DENND4A: variants seen among roughly 807,000 people sequenced by gnomAD.
The protein encoded by DENND4A is C-myc promoter-binding protein.
A neutral mutation model predicts 199.3 loss-of-function variants in DENND4A; 70 were observed. The ratio of observed to expected loss-of-function variants is 0.35; its 90% CI spans 0.29 to 0.43. DENND4A has a LOEUF of 0.43. DENND4A is among the 20% of genes least tolerant of loss of function. DENND4A has a pLI of 1.00. For synonymous variants in DENND4A, 686 were observed against 766.9 expected (o/e 0.89, Z 1.74); for missense variants, 1,723 against 2,255.8 (o/e 0.76, Z 4.78).
At chr15:65,715,714 T>C (rs1189770611) in intron 13 of DENND4A, 91 bp from the exon 14 acceptor site, 1 of 1,257,758 alleles carries the variant, frequency 8.0e-7, no homozygotes, top group African/African-American at 1.5e-5. Context: ...AACAACCATG[T>C]CATCTATACC....
chr15:65,706,479 CACACACACACACACACAT>C (rs1287504406), intron 14 of DENND4A, among the ~76,000 whole-genome samples: 44 of 113,296 alleles, frequency 3.9e-4, no homozygotes, highest in South Asian at 2.4e-3. Context: ...CACACACACA[CACACACACACACACACAT>C]ATATATATAT....
chr15:65,703,988 C>T (rs1300170021), intron 15 of DENND4A, among the ~76,000 whole-genome samples: 2 of 152,020 alleles, frequency 1.3e-5, no homozygotes, highest in African/African-American at 2.4e-5. Context: ...TAAGAAGAAA[C>T]CTAACTATAA....
At chr15:65,681,679 G>T (rs183514103) in intron 23 of DENND4A, among the ~76,000 whole-genome samples, 1 of 151,246 alleles carries the variant, frequency 6.6e-6, no homozygotes, top group Admixed American at 6.6e-5. Flanking sequence ...AGATTCAAGC[G>T]ATTCTCCCAC....
chr15:65,703,842 A>ATATT (rs1257509605), intron 15 of DENND4A, among the ~76,000 whole-genome samples: 1 of 152,218 alleles, frequency 6.6e-6, no homozygotes, highest in Non-Finnish European at 1.5e-5. Flanking sequence ...AACTTCATTA[A>ATATT]TAAATAAGTA....
chr15:65,716,678 T>C (rs1350841629), intron 13 of DENND4A, among the ~76,000 whole-genome samples: 3 of 151,840 alleles, frequency 2.0e-5, no homozygotes, highest in African/African-American at 4.8e-5. Flanking sequence ...CAAGTCTTTG[T>C]TATTGTGAAT....
intron 12 of DENND4A, among the ~76,000 whole-genome samples, chr15:65,719,773 T>C (rs1480052601): frequency 1.3e-5 from 2 of 151,868 alleles, no homozygotes; most frequent in Non-Finnish European, 1.5e-5. Flanking sequence ...CTTGTGTCTG[T>C]AGTCCCAGCT....
intron 14 of DENND4A, among the ~76,000 whole-genome samples, chr15:65,708,572 C>T (rs1485475132): frequency 6.6e-6 from 1 of 152,112 alleles, no homozygotes; most frequent in Non-Finnish European, 1.5e-5. Flanking sequence ...GCAATAAATC[C>T]TACATTTATC....
chr15:65,771,207 A>G, intron 1 of DENND4A: 1 of 1,608,142 alleles, frequency 6.2e-7, no homozygotes, highest in South Asian at 1.1e-5. Flanking sequence ...AGCCGCTCTA[A>G]TTCTTTACAG....
In DENND4A at chr15:65,742,502, T is replaced by G. The variant is rs188948434; in HGVS notation, c.562-718A>C. Among the ~76,000 whole-genome samples, 232 of 151,518 alleles carry G rather than the reference T, an allele frequency of 1.5e-3. 1 individual carries two copies. The highest frequency in any genetic ancestry group is 5.2e-3 in the African/African-American group (214 of 41,192). ...TCGCAATGGTGCAATCTCAGCTCAC[T>G]GCAACCTCCGCCTCCCAGGTTCAAG... On this transcript the variant is annotated intron_variant, in intron 4 of 32. Transcript: ENST00000443035.
At chr15:65,712,216 T>C (rs1056090529) in intron 14 of DENND4A, among the ~76,000 whole-genome samples, 33 of 152,212 alleles carry the variant, frequency 2.2e-4, no homozygotes, top group African/African-American at 8.0e-4. Context: ...ATCCCTCAAG[T>C]GTTCTAAATT....
At chr15:65,716,257 T>C (rs2075397014) in intron 13 of DENND4A, among the ~76,000 whole-genome samples, 1 of 151,972 alleles carries the variant, frequency 6.6e-6, no homozygotes, top group African/African-American at 2.4e-5. Flanking sequence ...CTTTTATTAT[T>C]ATTATACTTT....
At chr15:65,662,486 T>C (rs1371085635) in intron 32 of DENND4A, among the ~76,000 whole-genome samples, 2 of 152,202 alleles carry the variant, frequency 1.3e-5, no homozygotes, top group Non-Finnish European at 2.9e-5. Flanking sequence ...TTTTTTTCCC[T>C]TTTCCACATG....
At chr15:65,779,636 G>A (rs2077384052) in intron 1 of DENND4A, among the ~76,000 whole-genome samples, 1 of 151,856 alleles carries the variant, frequency 6.6e-6, no homozygotes, top group Admixed American at 6.6e-5. Flanking sequence ...TACCATGCCT[G>A]GCTAGCTAGG....
intron 2 of DENND4A, among the ~76,000 whole-genome samples, chr15:65,759,959 T>A (rs1328370108): frequency 1.3e-5 from 2 of 152,226 alleles, no homozygotes; most frequent in African/African-American, 4.8e-5. Context: ...GTACAATGAA[T>A]AATCTTGATA....
Position 65,720,947 on chromosome 15 carries a change from TTATATATA to T in DENND4A, c.1588+1893_1588+1900del, listed in dbSNP as rs72498783. On this transcript the variant is annotated intron_variant, in intron 12 of 32. Transcript: ENST00000443035. ...AAAGTTGAATGGGCTGTTTCATTGA[TTATATATA>T]TATATATATATATATATATATATAT... Among the ~76,000 whole-genome samples the T allele has an allele frequency of 8.1e-3, 619 of 76,248 alleles. 35 individuals are homozygous for T. The highest frequency in any genetic ancestry group is 0.026 in the Middle Eastern group (3 of 114). The allele number at this position is 76,248 out of a possible 152,430, so 50.0% of individuals were successfully genotyped here.
At position 65,729,143 on chromosome 15, in the gene DENND4A, T is replaced by G; in HGVS notation, c.1416A>C (p.Ser472=). 1 of 1,592,058 alleles carries G rather than the reference T, an allele frequency of 6.3e-7. No homozygotes were observed. The highest frequency in any genetic ancestry group is 1.7e-4 in the Middle Eastern group (1 of 6,034). Residue 472 remains serine (S), a synonymous_variant, in exon 11 of 33, where the codon TCA becomes TCC. Coordinates refer to ENST00000443035, the MANE Select transcript of DENND4A (RefSeq NM_001320835.1). ...APCPFIVGID[S]RYFDLYDPPP... is the part of the protein sequence containing the mutation. Reference sequence around the variant, plus strand: ...GAGGATCATAGAGATCAAAGTATCTTGAATCAATCCCTACTATGAATGGAC... The same window carrying G: ...GAGGATCATAGAGATCAAAGTATCTGGAATCAATCCCTACTATGAATGGAC...
chr15:65,783,166 C>G (rs1167729385), intron 1 of DENND4A, among the ~76,000 whole-genome samples: 1 of 152,098 alleles, frequency 6.6e-6, no homozygotes, highest in Non-Finnish European at 1.5e-5. Flanking sequence ...AAACTTGAAA[C>G]TGGAAACTCT....
At chr15:65,737,212 G>A (rs1181935078) in intron 7 of DENND4A, among the ~76,000 whole-genome samples, 1 of 152,052 alleles carries the variant, frequency 6.6e-6, no homozygotes, top group African/African-American at 2.4e-5. Context: ...ACAGGCATGG[G>A]CCATGTCCAA....
At chr15:65,688,019 C>T (rs996240008) in intron 23 of DENND4A, among the ~76,000 whole-genome samples, 1 of 152,054 alleles carries the variant, frequency 6.6e-6, no homozygotes, top group African/African-American at 2.4e-5. Flanking sequence ...TCTGGAACTC[C>T]AGTTATCCAT....
Sources: gnomAD v4.1 joint callset for allele counts (sites outside exome capture counted in the v4.1 genomes callset) on GRCh38, gnomAD v4.1.1 for gene constraint, MANE v1.5 for transcripts, NCBI Gene and HGNC (gene_info 2026-07-23, HGNC 2026-07-21) for gene names.